FAM91A1: variants seen among roughly 807,000 people sequenced by gnomAD.
FAM91A1 encodes family with sequence similarity 91 member A1.
In FAM91A1, 41 loss-of-function variants were observed where a neutral mutation model predicts 113.5. That is an observed-to-expected ratio of 0.36 (90% CI 0.28 to 0.47). The LOEUF (loss-of-function observed/expected upper bound fraction) is 0.47, where lower values mean the gene tolerates loss of function less well. FAM91A1 is among the 20% of genes least tolerant of loss of function. The probability of loss-of-function intolerance (pLI) is 1.00; values close to 1 mark genes in which losing one functional copy is unlikely to be tolerated. For missense variants in FAM91A1, 696 were observed against 1,001.2 expected (o/e 0.70, Z 4.11); for synonymous variants, 307 against 347.9 (o/e 0.88, Z 1.31).
chr8:123,803,376 A>G (rs1415637401), intron 18 of FAM91A1, among the ~76,000 whole-genome samples: 1 of 152,012 alleles, frequency 6.6e-6, no homozygotes, highest in African/African-American at 2.4e-5. Context: ...TGGCATGATC[A>G]CAGCTCACTG....
intron 2 of FAM91A1, 45 bp from the exon 3 acceptor site, chr8:123,775,102 A>C: frequency 6.6e-7 from 1 of 1,525,070 alleles, no homozygotes; most frequent in East Asian, 2.3e-5. Context: ...ATATATAACT[A>C]TAAGAAACCT....
At position 123,799,539 on chromosome 8, in the gene FAM91A1, C is replaced by G; in HGVS notation, c.1580C>G (p.Pro527Arg). 2 of 1,612,084 alleles carry G rather than the reference C, an allele frequency of 1.2e-6. No individual in the cohort carries two copies. The highest frequency in any genetic ancestry group is 2.2e-5 in the South Asian group (2 of 90,560). Residue 527 changes from proline to arginine, a missense_variant, in exon 17 of 24, where the codon CCA (proline) becomes CGA (arginine). Transcript: ENST00000334705. Reference sequence around the variant, plus strand: ...TTGTAGCATATTGGACCAGCTATCCCAGAAGTCAGCTCTGTCTGGTTTAAA... The same window carrying G: ...TTGTAGCATATTGGACCAGCTATCCGAGAAGTCAGCTCTGTCTGGTTTAAA... ...CTPQHIGPAI[P>R]EVSSVWFKLY...
In FAM91A1 at chr8:123,812,891, A is replaced by G; in HGVS notation, c.*187A>G. The G allele has an allele frequency of 2.0e-6, 1 of 509,530 alleles. No individual in the cohort carries two copies. The highest frequency in any genetic ancestry group is 4.6e-5 in the South Asian group (1 of 21,674). 31.6% of individuals were successfully genotyped at this position (509,530 alleles called of 1,614,324 possible). ...CATTATTGCACATCTTATTGCGACA[A>G]AGTGCTTTTTAGCAGCCAGCACTGT... On this transcript the variant is annotated 3_prime_UTR_variant, in exon 24 of 24. Transcript: ENST00000334705.
chr8:123,792,901 C>G (rs1304913801), intron 15 of FAM91A1, among the ~76,000 whole-genome samples: 1 of 152,188 alleles, frequency 6.6e-6, no homozygotes, highest in Non-Finnish European at 1.5e-5. Flanking sequence ...CCTTTCTTTG[C>G]CTCATAAGCA....
chr8:123,814,980 T>G lies in FAM91A1; in HGVS notation c.*2276T>G, dbSNP rs1269596218. Reference sequence around the variant, plus strand: ...ATGTTCCTTCCTTTCTTTTTCCCGCTTCCTTAATGTAATTTAAACCCTGGC... The same window carrying G: ...ATGTTCCTTCCTTTCTTTTTCCCGCGTCCTTAATGTAATTTAAACCCTGGC... On this transcript the variant is annotated 3_prime_UTR_variant, in exon 24 of 24. Coordinates refer to ENST00000334705, the MANE Select transcript of FAM91A1 (RefSeq NM_144963.4). 1 of 152,598 alleles carries G rather than the reference T, an allele frequency of 6.6e-6. No homozygotes were observed. Among genetic ancestry groups the G allele is most frequent in the East Asian group, 1.9e-4 (1 of 5,198 alleles). The allele number at this position is 152,598 out of a possible 1,614,324, so 9.5% of individuals were successfully genotyped here. A position where few individuals can be genotyped will look rare whatever the true frequency, so the allele number is the denominator to read the frequency against.
chr8:123,797,460 C>A (rs996966578), intron 15 of FAM91A1, among the ~76,000 whole-genome samples: 1 of 152,174 alleles, frequency 6.6e-6, no homozygotes, highest in African/African-American at 2.4e-5. Flanking sequence ...ACCTTGGAGA[C>A]AACAAGCCCA....
At chr8:123,805,860 C>T (rs187308635) in intron 19 of FAM91A1, among the ~76,000 whole-genome samples, 96 of 152,176 alleles carry the variant, frequency 6.3e-4, no homozygotes, top group African/African-American at 2.1e-3. Context: ...TTTATGAGAA[C>T]TTGAGTTAAG....
intron 6 of FAM91A1, 135 bp downstream of exon 6, chr8:123,778,907 A>T (rs979096847): frequency 1.2e-5 from 7 of 604,266 alleles, no homozygotes; most frequent in Non-Finnish European, 1.9e-5. Flanking sequence ...AAAATTTAAA[A>T]TGATCTTAGT....
intron 15 of FAM91A1, among the ~76,000 whole-genome samples, chr8:123,795,480 C>G (rs1022744682): frequency 6.6e-6 from 1 of 151,858 alleles, no homozygotes; most frequent in Non-Finnish European, 1.5e-5. Flanking sequence ...CCTCCTGCTC[C>G]GGCCATGTTA....
intron 7 of FAM91A1, 48 bp from the exon 8 acceptor site, chr8:123,780,432 A>T (rs750637616): frequency 3.6e-6 from 5 of 1,391,410 alleles, no homozygotes; most frequent in Non-Finnish European, 1.0e-6. Context: ...TAAAAAAATC[A>T]CTGTTGTGTA....
intron 18 of FAM91A1, among the ~76,000 whole-genome samples, chr8:123,802,027 C>T (rs923699215): frequency 2.6e-5 from 4 of 151,970 alleles, no homozygotes; most frequent in African/African-American, 9.7e-5. Context: ...CCTGCAGTGC[C>T]GCCTGCCTTG....
chr8:123,776,314 G>A (rs1458545096), intron 3 of FAM91A1, among the ~76,000 whole-genome samples: 1 of 152,218 alleles, frequency 6.6e-6, no homozygotes, highest in Non-Finnish European at 1.5e-5. Context: ...GCAGAGAGGA[G>A]CCTAGAACTA....
chr8:123,805,993 T>A (rs572027493), intron 19 of FAM91A1, 87 bp from the exon 20 acceptor site: 18 of 1,289,476 alleles, frequency 1.4e-5, no homozygotes, highest in Middle Eastern at 3.0e-4. Context: ...AAAGTAGTTC[T>A]AAGAGTTGTT....
chr8:123,794,229 A>T (rs1308938147), intron 15 of FAM91A1, among the ~76,000 whole-genome samples: 1 of 152,200 alleles, frequency 6.6e-6, no homozygotes, highest in Non-Finnish European at 1.5e-5. Flanking sequence ...GAAATTTGTG[A>T]CAACTTGAAA....
At chr8:123,772,362 CTT>C (rs1814869774) in intron 1 of FAM91A1, among the ~76,000 whole-genome samples, 1 of 152,172 alleles carries the variant, frequency 6.6e-6, no homozygotes, top group African/African-American at 2.4e-5. Flanking sequence ...GAGAAAGAGA[CTT>C]TTATTTAGCA....
chr8:123,768,912 G>A (rs2130021687), intron 1 of FAM91A1, 138 bp downstream of exon 1: 1 of 876,148 alleles, frequency 1.1e-6, no homozygotes, highest in Non-Finnish European at 1.8e-6. Context: ...TTGGGGAGAC[G>A]GACCTTCAGC....
intron 8 of FAM91A1, among the ~76,000 whole-genome samples, chr8:123,782,673 T>TG (rs1447320568): frequency 6.6e-6 from 1 of 152,242 alleles, no homozygotes; most frequent in East Asian, 1.9e-4. Flanking sequence ...TGCAGTTTGT[T>TG]TGGAACTTAT....
At chr8:123,810,398 G>A in intron 23 of FAM91A1, 47 bp downstream of exon 23, 1 of 1,511,018 alleles carries the variant, frequency 6.6e-7, no homozygotes, top group Non-Finnish European at 9.2e-7. Context: ...TGAGCTTTAA[G>A]TATGCACAAC....
chr8:123,815,222 G>A lies in FAM91A1; in HGVS notation c.*2518G>A, dbSNP rs1449997969. 2 of 151,490 alleles carry A rather than the reference G, an allele frequency of 1.3e-5. No homozygotes were observed. The highest frequency in any genetic ancestry group is 6.6e-5 in the Admixed American group (1 of 15,164). The allele number at this position is 151,490 out of a possible 1,614,324, so 9.4% of individuals were successfully genotyped here. On this transcript the variant is annotated 3_prime_UTR_variant, in exon 24 of 24. Transcript: ENST00000334705. ...AGCGGAATATTGGTTTCTTTTACTT[G>A]TTGTTTTCAGTTTTCTCTGCCATTC...
Sources: gnomAD v4.1 joint callset for allele counts (sites outside exome capture counted in the v4.1 genomes callset) on GRCh38, gnomAD v4.1.1 for gene constraint, MANE v1.5 for transcripts, NCBI Gene and HGNC (gene_info 2026-07-23, HGNC 2026-07-21) for gene names.